GMDS: variants seen among roughly 807,000 people sequenced by gnomAD.
The protein encoded by GMDS is GDP-mannose 4,6 dehydratase.
Under a neutral mutation model 49.9 loss-of-function variants are expected in GMDS, and 20 were observed. The observed-to-expected ratio is 0.40, with a 90% CI of 0.28 to 0.58. The LOEUF (loss-of-function observed/expected upper bound fraction) is 0.58. GMDS is among the 20% of genes least tolerant of loss of function. The probability of loss-of-function intolerance (pLI) is 0.42; values close to 1 mark genes in which losing one functional copy is unlikely to be tolerated. For missense variants in GMDS, 362 were observed against 481.4 expected, an observed-to-expected ratio of 0.75 and a Z score of 2.32; for synonymous variants, 177 against 178.6, an observed-to-expected ratio of 0.99 and a Z score of 0.07.
intron 7 of GMDS, among the ~76,000 whole-genome samples, chr6:1,843,215 T>C (rs1757226481): frequency 6.6e-6 from 1 of 152,200 alleles, no homozygotes; most frequent in Admixed American, 6.5e-5. Context: ...ATGAGGGTTA[T>C]GAGCCGCTGA....
chr6:1,807,223 G>A (rs886909858), intron 7 of GMDS, among the ~76,000 whole-genome samples: 1 of 152,016 alleles, frequency 6.6e-6, no homozygotes, highest in Admixed American at 6.6e-5. Context: ...TACATTTTTT[G>A]TAAAGACGAG....
chr6:2,235,913 C>A (rs1781338322), intron 1 of GMDS, among the ~76,000 whole-genome samples: 1 of 151,838 alleles, frequency 6.6e-6, no homozygotes, highest in South Asian at 2.1e-4. Context: ...GTGTTGGGAG[C>A]CAGTTCTCTA....
chr6:2,025,567 G>A (rs1056688114), intron 4 of GMDS, among the ~76,000 whole-genome samples: 3 of 151,604 alleles, frequency 2.0e-5, no homozygotes, highest in African/African-American at 7.3e-5. Flanking sequence ...ATCAAATCAA[G>A]CATTCACTTA....
chr6:1,910,827 C>T (rs1761015011), intron 7 of GMDS, among the ~76,000 whole-genome samples: 1 of 152,102 alleles, frequency 6.6e-6, no homozygotes, highest in Non-Finnish European at 1.5e-5. Flanking sequence ...AGGCCAATGC[C>T]CTCCAGGAAA....
rs1004968772 is a variant in GMDS at position 2,052,061 on chromosome 6, G to A, written c.345+63710C>T. 7.0e-5 allele frequency among the ~76,000 whole-genome samples: 10 copies of A among 142,614 alleles called. No homozygotes were observed. In the East Asian group the frequency reaches 2.2e-3, roughly 31 times the overall value. The allele number at this position is 142,614 out of a possible 152,430, so 93.6% of individuals were successfully genotyped here. ...GAACCTGGGAGGTGGAGGTTGCAGT[G>A]AGCCAAGATTGCACCACTGCACTCC... On this transcript the variant is annotated intron_variant, in intron 4 of 10. Coordinates refer to ENST00000380815, the MANE Select transcript of GMDS (RefSeq NM_001500.4).
intron 4 of GMDS, among the ~76,000 whole-genome samples, chr6:2,039,958 T>A (rs1027995837): frequency 6.6e-6 from 1 of 152,242 alleles, no homozygotes; most frequent in African/African-American, 2.4e-5. Flanking sequence ...GCAGTAGGTT[T>A]GTTTACACCA....
chr6:1,917,655 T>C (rs530245601), intron 7 of GMDS, among the ~76,000 whole-genome samples: 1 of 152,360 alleles, frequency 6.6e-6, no homozygotes, highest in Non-Finnish European at 1.5e-5. Flanking sequence ...ATGCAGCCCT[T>C]GAAATCCTCA....
intron 4 of GMDS, among the ~76,000 whole-genome samples, chr6:2,068,213 C>A (rs1771744021): frequency 6.6e-6 from 1 of 152,158 alleles, no homozygotes; most frequent in Non-Finnish European, 1.5e-5. Context: ...CAAAACTCAA[C>A]AACGCTTCAT....
chr6:2,213,704 G>C (rs1034610676), intron 1 of GMDS, among the ~76,000 whole-genome samples: 2 of 152,122 alleles, frequency 1.3e-5, no homozygotes, highest in Admixed American at 1.3e-4. Flanking sequence ...GCGAGCATTA[G>C]AGGACACAGC....
At chr6:2,010,904 G>C (rs1330680306) in intron 4 of GMDS, among the ~76,000 whole-genome samples, 1 of 152,096 alleles carries the variant, frequency 6.6e-6, no homozygotes, top group African/African-American at 2.4e-5. Flanking sequence ...TATGGGAAGT[G>C]ATATAATACT....
chr6:1,762,054 C>T (rs1375486738), intron 7 of GMDS, among the ~76,000 whole-genome samples: 2 of 152,066 alleles, frequency 1.3e-5, no homozygotes, highest in South Asian at 2.1e-4. Context: ...CAGAAAAAGC[C>T]GAGAAGCACA....
chr6:1,829,887 TA>T (rs948002795), intron 7 of GMDS, among the ~76,000 whole-genome samples: 3 of 152,230 alleles, frequency 2.0e-5, no homozygotes, highest in African/African-American at 7.2e-5. Context: ...CTCTGTGTGC[TA>T]TGTTCTTGGA....
At chr6:1,685,845 T>A (rs1764957872) in intron 9 of GMDS, among the ~76,000 whole-genome samples, 1 of 152,200 alleles carries the variant, frequency 6.6e-6, no homozygotes, top group Non-Finnish European at 1.5e-5. Context: ...GCTTCACTAA[T>A]TAAAAATGAT....
At chr6:1,676,606 T>C (rs868624825) in intron 9 of GMDS, among the ~76,000 whole-genome samples, 2 of 152,060 alleles carry the variant, frequency 1.3e-5, no homozygotes, top group African/African-American at 2.4e-5. Context: ...TGGAACAGAA[T>C]AGAGTCCCTG....
chr6:1,669,961 G>T (rs2113276268), intron 9 of GMDS, among the ~76,000 whole-genome samples: 1 of 138,332 alleles, frequency 7.2e-6, no homozygotes, highest in African/African-American at 2.7e-5. Flanking sequence ...CCGGTCCCAT[G>T]ATGGCTGGGT....
intron 7 of GMDS, among the ~76,000 whole-genome samples, chr6:1,851,451 T>C (rs1018179745): frequency 6.6e-6 from 1 of 152,236 alleles, no homozygotes; most frequent in African/African-American, 2.4e-5. Context: ...AGGGGCTTAT[T>C]GGAAATAACA....
At chr6:2,090,914 T>C (rs1033556176) in intron 4 of GMDS, among the ~76,000 whole-genome samples, 1 of 152,212 alleles carries the variant, frequency 6.6e-6, no homozygotes, top group Non-Finnish European at 1.5e-5. Flanking sequence ...CCATGATAAA[T>C]ATTTGGAAAT....
At chr6:1,824,882 T>A (rs969621355) in intron 7 of GMDS, among the ~76,000 whole-genome samples, 3 of 152,176 alleles carry the variant, frequency 2.0e-5, no homozygotes, top group Non-Finnish European at 4.4e-5. Flanking sequence ...GTACCATACG[T>A]TTGTTGTTTT....
chr6:2,132,966 C>G (rs1489199039), intron 1 of GMDS, among the ~76,000 whole-genome samples: 2 of 152,174 alleles, frequency 1.3e-5, no homozygotes, highest in African/African-American at 4.8e-5. Flanking sequence ...AATAGCTACA[C>G]ATATTAAAAA....
Sources: gnomAD v4.1 joint callset for allele counts (sites outside exome capture counted in the v4.1 genomes callset) on GRCh38, gnomAD v4.1.1 for gene constraint, MANE v1.5 for transcripts, NCBI Gene and HGNC (gene_info 2026-07-23, HGNC 2026-07-21) for gene names.